Variants in PIK3R5 observed in about 807,000 individuals in gnomAD.
The protein encoded by PIK3R5 is phosphoinositide-3-kinase regulatory subunit 5.
A neutral mutation model predicts 94.9 loss-of-function variants in PIK3R5; 32 were observed. That is an observed-to-expected ratio of 0.34 (90% CI 0.25 to 0.45). The LOEUF (loss-of-function observed/expected upper bound fraction) is 0.45, where lower values mean the gene tolerates loss of function less well. Ranked by LOEUF, PIK3R5 falls within the 20% of genes least tolerant of loss-of-function variation. PIK3R5 has a pLI of 1.00. For synonymous variants in PIK3R5, 443 were observed against 479.4 expected, an observed-to-expected ratio of 0.92 and a Z score of 0.99; for missense variants, 853 against 1,144.6, an observed-to-expected ratio of 0.75 and a Z score of 3.68.
chr17:8,901,390 C>CA (rs1274195511), intron 5 of PIK3R5, among the ~76,000 whole-genome samples: 1 of 152,140 alleles, frequency 6.6e-6, no homozygotes, highest in Non-Finnish European at 1.5e-5. Flanking sequence ...TTTGTAATGA[C>CA]AGACAGCTGA....
intron 1 of PIK3R5, among the ~76,000 whole-genome samples, chr17:8,934,019 C>T (rs1315604847): frequency 6.6e-6 from 1 of 152,204 alleles, no homozygotes; most frequent in African/African-American, 2.4e-5. Context: ...GAACGCTTTT[C>T]ACCTACTATT....
At chr17:8,936,858 G>A (rs2091086808) in intron 1 of PIK3R5, among the ~76,000 whole-genome samples, 1 of 152,166 alleles carries the variant, frequency 6.6e-6, no homozygotes, top group Non-Finnish European at 1.5e-5. Flanking sequence ...AGAACTGACA[G>A]CTTAACAATA....
Position 8,884,099 on chromosome 17 carries a change from C to T in PIK3R5, c.2205+608G>A, listed in dbSNP as rs547451077. ...ACAAGCTAAAGTGAGGCCTAGGCTT[C>T]CCTGCTCAACCCCTCTTTTCCCCTG... On this transcript the variant is annotated intron_variant, in intron 15 of 18. Transcript: ENST00000447110. The surrounding 1 kb of genome is among the most constrained non-coding windows in gnomAD (Gnocchi z 5.8). Among the ~76,000 whole-genome samples, 20 of 152,330 alleles carry T rather than the reference C, an allele frequency of 1.3e-4. No homozygotes were observed. The highest frequency in any genetic ancestry group is 2.8e-4 in the Non-Finnish European group (19 of 68,014).
intron 5 of PIK3R5, among the ~76,000 whole-genome samples, chr17:8,902,846 ATT>A (rs35776068): frequency 3.6e-5 from 5 of 140,130 alleles, no homozygotes; most frequent in Non-Finnish European, 3.1e-5. Flanking sequence ...TTTAGATAGA[ATT>A]TTTTTTTTTT....
chr17:8,898,032 C>T (rs1032223333), intron 5 of PIK3R5, among the ~76,000 whole-genome samples: 2 of 152,190 alleles, frequency 1.3e-5, no homozygotes, highest in Non-Finnish European at 2.9e-5. Flanking sequence ...CTATAGGCAG[C>T]CAGCTCAGTC....
chr17:8,927,609 C>T (rs975886151), intron 1 of PIK3R5, among the ~76,000 whole-genome samples: 1 of 152,214 alleles, frequency 6.6e-6, no homozygotes, highest in Non-Finnish European at 1.5e-5. Flanking sequence ...AGGTCATCCC[C>T]TCTGCTGTGG....
At chr17:8,912,929 G>GGCAT (rs1555549293) in intron 1 of PIK3R5, among the ~76,000 whole-genome samples, 1 of 152,178 alleles carries the variant, frequency 6.6e-6, no homozygotes, top group African/African-American at 2.4e-5. Flanking sequence ...TGCAGCAGTG[G>GGCAT]GCACGCAGGA....
Position 8,890,972 on chromosome 17 carries a change from C to T in PIK3R5, c.483-60G>A. On this transcript the variant is annotated intron_variant, in intron 6 of 18. Coordinates refer to ENST00000447110, the MANE Select transcript of PIK3R5 (RefSeq NM_001142633.3). This position sits in a 1 kb window ranked among gnomAD's most constrained non-coding sequence, Gnocchi z 6.1. ...GGTGCGCAGCATGCCACAGTGCAGCCACCCCCCTCGTGCCTGCTGGTGCTC... is the reference window on the plus strand; with the variant it reads ...GGTGCGCAGCATGCCACAGTGCAGCTACCCCCCTCGTGCCTGCTGGTGCTC... 1 of 1,531,068 alleles carries T rather than the reference C, an allele frequency of 6.5e-7. No homozygotes were observed. Among genetic ancestry groups the T allele is most frequent in the South Asian group, 1.2e-5 (1 of 83,696 alleles). The allele number at this position is 1,531,068 out of a possible 1,614,324, so 94.8% of individuals were successfully genotyped here.
intron 5 of PIK3R5, among the ~76,000 whole-genome samples, chr17:8,900,416 T>C (rs1211837029): frequency 1.3e-5 from 2 of 152,212 alleles, no homozygotes; most frequent in Admixed American, 6.5e-5. Flanking sequence ...TGGAACTGTT[T>C]GAAAATGATT....
intron 1 of PIK3R5, among the ~76,000 whole-genome samples, chr17:8,956,817 C>T (rs536527310): frequency 1.3e-5 from 2 of 152,306 alleles, no homozygotes; most frequent in African/African-American, 4.8e-5. Context: ...TTATCTGGGA[C>T]ACTCACGGAG....
rs529623630 is a variant in PIK3R5 at position 8,899,205 on chromosome 17, G to C, written c.413-5550C>G. Among the ~76,000 whole-genome samples, 35 of 152,338 alleles carry C rather than the reference G, an allele frequency of 2.3e-4. No homozygotes were observed. In the South Asian group the frequency reaches 5.4e-3, roughly 23 times the overall value. ...GAATTGAGGCACTGGGCGATCATAC[G>C]GGGGTGGAGTCAGGAAGCAGGGGGA... On this transcript the variant is annotated intron_variant, in intron 5 of 18. Transcript: ENST00000447110.
Position 8,888,706 on chromosome 17 carries a change from G to A in PIK3R5, c.1081C>T (p.Leu361Phe), listed in dbSNP as rs2089946987. Residue 361 changes from leucine (L) to phenylalanine (F), a missense_variant, in exon 10 of 19, where the codon CTT becomes TTT. Physicochemically the swap from Leu to Phe is conservative, Grantham distance 22. Coordinates refer to ENST00000447110, the MANE Select transcript of PIK3R5 (RefSeq NM_001142633.3). This position sits in a 1 kb window ranked among gnomAD's most constrained non-coding sequence, Gnocchi z 7.8. ...GGCCCCGAGGCCTGGGAGGATGCAAGGGACAAGGTGGAGTCATGGGACGCC... is the reference window on the plus strand; with the variant it reads ...GGCCCCGAGGCCTGGGAGGATGCAAAGGACAAGGTGGAGTCATGGGACGCC... ...SLASHDSTLS[L>F]ASSQASGPAL... is the part of the protein sequence containing the mutation. 3.1e-6 allele frequency: 5 copies of A among 1,613,812 alleles called. No individual in the cohort carries two copies. Among genetic ancestry groups the A allele is most frequent in the Admixed American group, 3.3e-5 (2 of 60,014 alleles).
In PIK3R5 at chr17:8,923,801, A is replaced by G. The variant is rs920259423; in HGVS notation, c.-13-12294T>C. Among the ~76,000 whole-genome samples the G allele has an allele frequency of 2.6e-5, 4 of 152,198 alleles. No homozygotes were observed. In the East Asian group the frequency reaches 7.7e-4, roughly 29 times the overall value. On this transcript the variant is annotated intron_variant, in intron 1 of 18. Coordinates refer to ENST00000447110, the MANE Select transcript of PIK3R5 (RefSeq NM_001142633.3). Reference sequence around the variant, plus strand: ...TAAAAACTCAAGAAAGGCCAATTACACATATATTGGCAGCTTTCTGGTTTT... The same window carrying G: ...TAAAAACTCAAGAAAGGCCAATTACGCATATATTGGCAGCTTTCTGGTTTT...
At chr17:8,932,355 C>T (rs1233741172) in intron 1 of PIK3R5, among the ~76,000 whole-genome samples, 3 of 152,070 alleles carry the variant, frequency 2.0e-5, no homozygotes, top group African/African-American at 7.2e-5. Flanking sequence ...TGGCCTCAGC[C>T]TCCCAAGAAG....
At chr17:8,919,205 A>T (rs538732949) in intron 1 of PIK3R5, among the ~76,000 whole-genome samples, 1 of 152,358 alleles carries the variant, frequency 6.6e-6, no homozygotes, top group Middle Eastern at 3.4e-3. Context: ...CGTTTAGTTA[A>T]TAGTACTCTG....
At chr17:8,933,315 A>G (rs2091018547) in intron 1 of PIK3R5, among the ~76,000 whole-genome samples, 1 of 152,202 alleles carries the variant, frequency 6.6e-6, no homozygotes, top group Admixed American at 6.5e-5. Context: ...AACTATAAAA[A>G]TAATCAAAGG....
intron 5 of PIK3R5, among the ~76,000 whole-genome samples, chr17:8,894,324 G>C (rs918241432): frequency 6.6e-6 from 1 of 152,138 alleles, no homozygotes; most frequent in Non-Finnish European, 1.5e-5. Flanking sequence ...CCCCTCTCCC[G>C]GTCCGGGGTG....
At position 8,886,506 on chromosome 17, in the gene PIK3R5, G is replaced by T. The variant is rs1451408537; in HGVS notation, c.2005C>A (p.Pro669Thr). The change falls in exon 13 of 19, where the codon CCG becomes ACG. Residue 669 changes from proline to threonine, a missense_variant. This residue lies in a region of PIK3R5 where 173 missense variants were observed against 274.1 expected (regional missense o/e 0.63). Transcript: ENST00000447110. ...LLYYCRFAAR[P>T]VLLQVYQTEL... ...GTCTGATAGACTTGCAGCAGCACCG[G>T]TCTGGCGGCAAAGCGGCAGTAGTAG... 1 of 1,610,652 alleles carries T rather than the reference G, an allele frequency of 6.2e-7. No homozygotes were observed. Among genetic ancestry groups the T allele is most frequent in the South Asian group, 1.1e-5 (1 of 90,548 alleles).
intron 1 of PIK3R5, among the ~76,000 whole-genome samples, chr17:8,957,886 GC>G (rs1334589715): frequency 6.6e-6 from 1 of 152,186 alleles, no homozygotes; most frequent in African/African-American, 2.4e-5. Flanking sequence ...CTCATTCCCC[GC>G]TCTATAAGCT....
Sources: allele counts gnomAD v4.1 joint callset (sites outside exome capture counted in the v4.1 genomes callset), GRCh38; gene constraint gnomAD v4.1.1; regional missense constraint gnomAD v4.1.1; non-coding constraint Gnocchi (gnomAD v3.1); transcripts MANE v1.5; gene names NCBI Gene and HGNC (gene_info 2026-07-23, HGNC 2026-07-21).